The following VPS8 variants were observed in gnomAD, a reference collection of about 807,000 sequenced individuals.
The protein encoded by VPS8 is vacuolar protein sorting-associated protein 8 homolog.
In VPS8, 129 loss-of-function variants were observed where a neutral mutation model predicts 216.4. That is an observed-to-expected ratio of 0.60 (90% CI 0.52 to 0.69). The LOEUF is 0.69. VPS8 is among the 30% of genes least tolerant of loss of function. VPS8 has a pLI of 0.00. For missense variants in VPS8, 1,531 were observed against 1,683.5 expected, an observed-to-expected ratio of 0.91 and a Z score of 1.59; for synonymous variants, 571 against 565.4, an observed-to-expected ratio of 1.01 and a Z score of -0.14.
intron 13 of VPS8, among the ~76,000 whole-genome samples, chr3:184,855,038 A>G (rs1009128487): frequency 2.6e-5 from 4 of 152,130 alleles, no homozygotes; most frequent in Non-Finnish European, 4.4e-5. Context: ...AAGCAGGTCT[A>G]TCCTTTCAGA....
At chr3:185,022,933 G>T (rs1006676543) in intron 45 of VPS8, among the ~76,000 whole-genome samples, 2 of 152,072 alleles carry the variant, frequency 1.3e-5, no homozygotes, top group South Asian at 2.1e-4. Context: ...CATATGGGCT[G>T]TAAATTCTTT....
Position 184,999,756 on chromosome 3 carries a change from G to A in VPS8, c.3897G>A (p.Glu1299=), listed in dbSNP as rs1753147898. ...LQNKECTVEF[E]GQTRWTCYKC... ...ACAAAGAATGCACTGTGGAATTTGA[G>A]GGCCAAACAAGATGGACATGCTACA... Residue 1299 remains glutamate, a synonymous_variant, in exon 45 of 48, where the codon GAG becomes GAA. Transcript: ENST00000625842. The A allele has an allele frequency of 5.0e-6, 8 of 1,613,252 alleles. No individual in the cohort carries two copies. The East Asian group carries it at 1.8e-4, about 36-fold the overall frequency.
chr3:184,874,714 C>G (rs141116528), intron 21 of VPS8, among the ~76,000 whole-genome samples: 20 of 152,110 alleles, frequency 1.3e-4, no homozygotes, highest in African/African-American at 4.6e-4. Flanking sequence ...TGAAATAAAA[C>G]TGCTAAGGCA....
chr3:184,862,303 A>C (rs1726530381), intron 15 of VPS8, among the ~76,000 whole-genome samples: 1 of 152,238 alleles, frequency 6.6e-6, no homozygotes, highest in South Asian at 2.1e-4. Context: ...TTAAAATGGC[A>C]TCCTTCAGAA....
At chr3:184,856,620 A>G (rs975547828) in intron 14 of VPS8, among the ~76,000 whole-genome samples, 1 of 152,104 alleles carries the variant, frequency 6.6e-6, no homozygotes, top group Non-Finnish European at 1.5e-5. Flanking sequence ...TATTGACTCT[A>G]CCTCCAAAAA....
intron 19 of VPS8, among the ~76,000 whole-genome samples, 198 bp downstream of exon 19, chr3:184,869,234 A>G (rs1727909563): frequency 1.3e-5 from 2 of 152,362 alleles, no homozygotes; most frequent in South Asian, 4.1e-4. Flanking sequence ...AGAAATTAAA[A>G]TGTCGCTTTT....
At chr3:184,943,986 C>CT in intron 36 of VPS8, among the ~76,000 whole-genome samples, 1 of 152,174 alleles carries the variant, frequency 6.6e-6, no homozygotes, top group East Asian at 1.9e-4. Context: ...CCTGTAATCT[C>CT]AACTACTCAG....
chr3:185,011,042 C>A (rs2109993111), intron 45 of VPS8, among the ~76,000 whole-genome samples: 1 of 150,286 alleles, frequency 6.7e-6, no homozygotes. Context: ...CATTGGTGAA[C>A]TATGGAACAA....
At chr3:184,914,954 A>T in intron 26 of VPS8, 27 bp from the exon 27 acceptor site, 4 of 1,606,564 alleles carry the variant, frequency 2.5e-6, no homozygotes, top group Non-Finnish European at 3.4e-6. Flanking sequence ...ACAAGTCACC[A>T]TATCCATTCT....
intron 25 of VPS8, among the ~76,000 whole-genome samples, chr3:184,903,834 A>C (rs1471867539): frequency 6.6e-6 from 1 of 151,830 alleles, no homozygotes; most frequent in Non-Finnish European, 1.5e-5. Flanking sequence ...GAATCTGTAC[A>C]TCAATTTTAT....
intron 38 of VPS8, among the ~76,000 whole-genome samples, chr3:184,966,043 A>G (rs890387072): frequency 2.0e-5 from 3 of 152,112 alleles, no homozygotes; most frequent in African/African-American, 7.2e-5. Context: ...GGTAATTTTT[A>G]AGGAAAAGAA....
At chr3:185,042,785 C>A (rs1460547336) in intron 46 of VPS8, among the ~76,000 whole-genome samples, 2 of 152,062 alleles carry the variant, frequency 1.3e-5, no homozygotes, top group Admixed American at 6.6e-5. Flanking sequence ...TTTTTTAATC[C>A]ATTTTTAAAA....
chr3:184,841,928 A>G (rs1318846203), intron 7 of VPS8, among the ~76,000 whole-genome samples: 1 of 152,202 alleles, frequency 6.6e-6, no homozygotes, highest in Non-Finnish European at 1.5e-5. Flanking sequence ...GCAAATTCTA[A>G]GATAGGAAGA....
intron 21 of VPS8, among the ~76,000 whole-genome samples, chr3:184,883,571 T>C (rs1357168995): frequency 1.3e-5 from 2 of 152,198 alleles, no homozygotes; most frequent in African/African-American, 4.8e-5. Flanking sequence ...TAGTTATAAA[T>C]AATTTTGTCC....
intron 40 of VPS8, among the ~76,000 whole-genome samples, chr3:184,978,963 G>A (rs1227441901): frequency 6.6e-6 from 1 of 152,106 alleles, no homozygotes; most frequent in Non-Finnish European, 1.5e-5. Context: ...TCTTAACACT[G>A]CTTTAGCTGT....
chr3:184,849,601 A>G (rs1268195524), intron 9 of VPS8: 1 of 287,690 alleles, frequency 3.5e-6, no homozygotes. Context: ...TCTGATTCAT[A>G]CATCACTAGC....
In VPS8 at chr3:184,849,017, T is replaced by C. The variant is rs1206878275; in HGVS notation, c.542-54T>C. On this transcript the variant is annotated intron_variant, in intron 8 of 47. Transcript: ENST00000625842. Reference sequence around the variant, plus strand: ...TCTTTGAAAGCATGCCTGTACTCGATGTATTTACTCTCTTGCATTTCCTTC... The same window carrying C: ...TCTTTGAAAGCATGCCTGTACTCGACGTATTTACTCTCTTGCATTTCCTTC... 3.8e-6 allele frequency: 6 copies of C among 1,598,674 alleles called. No homozygotes were observed. In the East Asian group the frequency reaches 9.0e-5, roughly 24 times the overall value.
chr3:185,044,436 A>G (rs751129806), intron 46 of VPS8, among the ~76,000 whole-genome samples: 2 of 152,112 alleles, frequency 1.3e-5, no homozygotes, highest in African/African-American at 2.4e-5. Context: ...CATGCTAAGT[A>G]CCTGTAACAG....
intron 14 of VPS8, among the ~76,000 whole-genome samples, chr3:184,857,138 G>A (rs139503804): frequency 5.0e-4 from 76 of 152,316 alleles, no homozygotes; most frequent in African/African-American, 1.4e-3. Flanking sequence ...GACAGTGCTT[G>A]TATATTGTAA....
Sources: gnomAD v4.1 joint callset for allele counts (sites outside exome capture counted in the v4.1 genomes callset) on GRCh38, gnomAD v4.1.1 for gene constraint, MANE v1.5 for transcripts, NCBI Gene and HGNC (gene_info 2026-07-23, HGNC 2026-07-21) for gene names.